RCAN2: variants seen among roughly 807,000 people sequenced by gnomAD.
The protein encoded by RCAN2 is calcipressin-2.
RCAN2 carries 9 observed loss-of-function variants against 23.6 expected under a neutral mutation model. The observed-to-expected ratio is 0.38, with a 90% CI of 0.23 to 0.67. The LOEUF is 0.67. Ranked by LOEUF, RCAN2 falls within the 30% of genes least tolerant of loss-of-function variation. The pLI, the probability that RCAN2 is intolerant of heterozygous loss-of-function variation, is 0.51. For missense variants in RCAN2, 273 were observed against 302.3 expected (o/e 0.90, Z 0.72); for synonymous variants, 109 against 115.7 (o/e 0.94, Z 0.37).
At chr6:46,237,859 A>G (rs1008819225) in intron 4 of RCAN2, among the ~76,000 whole-genome samples, 1 of 152,190 alleles carries the variant, frequency 6.6e-6, no homozygotes, top group Admixed American at 6.5e-5. Flanking sequence ...CCACGTTAAG[A>G]AGAACCAGGA....
chr6:46,272,567 T>C (rs1467234718), intron 2 of RCAN2, among the ~76,000 whole-genome samples: 1 of 152,236 alleles, frequency 6.6e-6, no homozygotes, highest in Non-Finnish European at 1.5e-5. Context: ...TTATGTATAT[T>C]AAATGTCACA....
At chr6:46,402,509 C>CT (rs1766278381) in intron 2 of RCAN2, among the ~76,000 whole-genome samples, 2 of 152,160 alleles carry the variant, frequency 1.3e-5, no homozygotes, top group African/African-American at 4.8e-5. Context: ...AAATATTACT[C>CT]TAAGTTTGTC....
At chr6:46,426,075 T>C (rs972212962) in intron 2 of RCAN2, among the ~76,000 whole-genome samples, 1 of 151,884 alleles carries the variant, frequency 6.6e-6, no homozygotes, top group South Asian at 2.1e-4. Context: ...ATTTTTGTAG[T>C]TTCAGTAAAG....
chr6:46,234,522 C>G (rs1483813152), intron 4 of RCAN2, among the ~76,000 whole-genome samples: 3 of 152,154 alleles, frequency 2.0e-5, no homozygotes, highest in Non-Finnish European at 2.9e-5. Context: ...GCAGTGAGAA[C>G]AGACCAATGG....
intron 2 of RCAN2, chr6:46,325,742 TC>T: frequency 1.6e-6 from 2 of 1,269,684 alleles, no homozygotes; most frequent in Non-Finnish European, 2.0e-6. Context: ...TATTTTTTTT[TC>T]TCCAAGCCTT....
In RCAN2 at chr6:46,232,749, T is replaced by C. The variant is rs932378876; in HGVS notation, c.572-9448A>G. Among the ~76,000 whole-genome samples the C allele has an allele frequency of 3.6e-4, 48 of 134,262 alleles. No homozygotes were observed. In the Admixed American group the frequency reaches 4.1e-3, roughly 11 times the overall value. The allele number at this position is 134,262 out of a possible 152,430, so 88.1% of individuals were successfully genotyped here. On this transcript the variant is annotated intron_variant, in intron 4 of 4. Coordinates refer to ENST00000371374, the MANE Select transcript of RCAN2 (RefSeq NM_001251974.2). ...TGGTAGTTGCAGTGAGCTGAGGTCA[T>C]GCCACTGCACTCCAGCCTGGGCCAC...
intron 2 of RCAN2, among the ~76,000 whole-genome samples, chr6:46,256,875 A>T (rs916401017): frequency 3.3e-5 from 5 of 152,268 alleles, no homozygotes; most frequent in African/African-American, 1.2e-4. Flanking sequence ...CTTGAATATC[A>T]CAATGAGTGG....
chr6:46,328,488 T>C (rs1763863113), intron 2 of RCAN2, among the ~76,000 whole-genome samples: 1 of 152,242 alleles, frequency 6.6e-6, no homozygotes, highest in African/African-American at 2.4e-5. Flanking sequence ...TAGTGGGTTT[T>C]AAACCCCCAA....
At chr6:46,449,478 T>C (rs1609190) in intron 2 of RCAN2, among the ~76,000 whole-genome samples, 2 of 151,040 alleles carry the variant, frequency 1.3e-5, no homozygotes, top group Non-Finnish European at 3.0e-5. Flanking sequence ...AATAACATTT[T>C]TTCACAGAAA....
chr6:46,472,697 C>T (rs1768598913), intron 1 of RCAN2, among the ~76,000 whole-genome samples: 1 of 152,206 alleles, frequency 6.6e-6, no homozygotes, highest in Non-Finnish European at 1.5e-5. Flanking sequence ...TAGAACTCAA[C>T]ATTGTACCAA....
intron 2 of RCAN2, chr6:46,325,738 T>C: frequency 7.8e-7 from 1 of 1,277,912 alleles, no homozygotes; most frequent in Non-Finnish European, 9.9e-7. Context: ...AAGCTATTTT[T>C]TTTTCTCCAA....
At chr6:46,430,267 C>T (rs1554790) in intron 2 of RCAN2, among the ~76,000 whole-genome samples, 2 of 151,824 alleles carry the variant, frequency 1.3e-5, no homozygotes, top group African/African-American at 2.4e-5. Context: ...ATATTTAGGA[C>T]GTAACATCAT....
intron 2 of RCAN2, among the ~76,000 whole-genome samples, chr6:46,267,234 C>A (rs1046775964): frequency 9.9e-5 from 15 of 152,128 alleles, no homozygotes; most frequent in Admixed American, 9.8e-4. Flanking sequence ...TAATGTTGTT[C>A]TTTTTAGAAA....
In RCAN2 at chr6:46,299,399, T is replaced by C. The variant is rs573521281; in HGVS notation, c.226-50503A>G. On this transcript the variant is annotated intron_variant, in intron 2 of 4. Transcript: ENST00000371374. ...CAGAGAATTTAGTGCAGAGTTACTT[T>C]CAGCAGAGATGACTGATTTATGGCA... Among the ~76,000 whole-genome samples, 8 of 152,136 alleles carry C rather than the reference T, an allele frequency of 5.3e-5. No individual in the cohort carries two copies. The South Asian group carries it at 8.3e-4, about 16-fold the overall frequency.
intron 2 of RCAN2, among the ~76,000 whole-genome samples, chr6:46,255,849 GA>G (rs2150322794): frequency 6.6e-6 from 1 of 152,296 alleles, no homozygotes; most frequent in Non-Finnish European, 1.5e-5. Context: ...CAACAGTCTA[GA>G]AGCATAGGAG....
At chr6:46,397,472 A>C (rs138752964) in intron 2 of RCAN2, among the ~76,000 whole-genome samples, 2,589 of 152,094 alleles carry the variant, frequency 0.017, 50 homozygotes, top group South Asian at 0.12. Flanking sequence ...GTATTATTCT[A>C]ATGTCAATTT....
intron 2 of RCAN2, among the ~76,000 whole-genome samples, chr6:46,262,322 G>A (rs1345687748): frequency 6.6e-6 from 1 of 152,052 alleles, no homozygotes; most frequent in East Asian, 1.9e-4. Context: ...GGACCTTTCA[G>A]TACGTCTCCC....
chr6:46,477,158 C>CTT (rs915443823), intron 1 of RCAN2, among the ~76,000 whole-genome samples: 1 of 152,084 alleles, frequency 6.6e-6, no homozygotes, highest in African/African-American at 2.4e-5. Context: ...TCATCATGTC[C>CTT]TTTAGAATCC....
At chr6:46,276,377 G>A (rs1442947956) in intron 2 of RCAN2, among the ~76,000 whole-genome samples, 1 of 152,180 alleles carries the variant, frequency 6.6e-6, no homozygotes, top group African/African-American at 2.4e-5. Context: ...AAGCTCTGAG[G>A]AGAGACAAGC....
Sources: allele counts gnomAD v4.1 joint callset (sites outside exome capture counted in the v4.1 genomes callset), GRCh38; gene constraint gnomAD v4.1.1; transcripts MANE v1.5; gene names NCBI Gene and HGNC (gene_info 2026-07-23, HGNC 2026-07-21).